The following PRPS2 variants were observed in gnomAD, a reference collection of about 807,000 sequenced individuals.
PRPS2 encodes the protein ribose-phosphate pyrophosphokinase 2.
For synonymous variants in PRPS2, 111 were observed against 115.3 expected (o/e 0.96, Z 0.24); for missense variants, 104 against 271.5 (o/e 0.38, Z 4.34).
In PRPS2 at chrX:12,809,087, TA is replaced by T; in HGVS notation, c.307-146del. ...TTTGCTGAATAAGATGGAATGAATA[TA>T]TCTTTTGCTGTCACAACATGTATAA... is the stretch of plus-strand genomic sequence containing the variant. On this transcript the variant is annotated intron_variant, in intron 2 of 6. Coordinates refer to ENST00000380668, the MANE Select transcript of PRPS2 (RefSeq NM_002765.5). 3 of 487,548 alleles carry T rather than the reference TA, an allele frequency of 6.2e-6. No homozygotes were observed. In the South Asian group the frequency reaches 1.1e-4, roughly 18 times the overall value. The allele number at this position is 487,548 out of a possible 1,213,427, so 40.2% of individuals were successfully genotyped here.
At chrX:12,809,714 T>C (rs2042613421) in intron 3 of PRPS2, among the ~76,000 whole-genome samples, 1 of 112,404 alleles carries the variant, frequency 8.9e-6, no homozygotes, top group African/African-American at 3.2e-5. Flanking sequence ...TGATTTATAA[T>C]AACTACTTAA....
chrX:12,801,221 C>CGTGTGTGTGTGTGTGTGTGT (rs72506508), intron 2 of PRPS2, among the ~76,000 whole-genome samples: 1,113 of 93,340 alleles, frequency 0.012, 18 homozygotes, highest in African/African-American at 0.031. Context: ...TGCGTGCGCA[C>CGTGTGTGTGTGTGTGTGTGT]GTGTGTGTGT....
At chrX:12,796,213 C>CTTTTTTTTT (rs751352461) in intron 1 of PRPS2, among the ~76,000 whole-genome samples, 1 of 38,684 alleles carries the variant, frequency 2.6e-5, no homozygotes, top group African/African-American at 9.2e-5. Flanking sequence ...ATAATTGGCT[C>CTTTTTTTTT]TTTTTTTTTT....
At chrX:12,801,237 T>C (rs867106339) in intron 2 of PRPS2, among the ~76,000 whole-genome samples, 2,782 of 107,724 alleles carry the variant, frequency 0.026, 79 homozygotes, top group African/African-American at 0.092. Context: ...TGTGTGTGTG[T>C]GTGTGTGTGT....
chrX:12,805,663 T>C (rs1382398714), intron 2 of PRPS2, among the ~76,000 whole-genome samples: 1 of 112,586 alleles, frequency 8.9e-6, no homozygotes, highest in Admixed American at 9.4e-5. Context: ...AAAACCATTG[T>C]TAACTCACAG....
intron 4 of PRPS2, chrX:12,810,381 GTTTA>G (rs1395227089): frequency 9.2e-6 from 3 of 326,850 alleles, no homozygotes; most frequent in Admixed American, 1.2e-4. Context: ...GTATATATTG[GTTTA>G]TTTGTTTTCA....
rs775148897 is a variant in PRPS2 at position 12,819,492 on chromosome X, T to C, written c.531-15T>C. 1.7e-6 allele frequency: 2 copies of C among 1,202,813 alleles called. No homozygotes were observed. The highest frequency in any genetic ancestry group is 1.8e-5 in the South Asian group (1 of 55,577). On this transcript the variant is annotated splice_polypyrimidine_tract_variant and intron_variant, in intron 4 of 6. Transcript: ENST00000380668. ...TAGTTGACTGTATGAACATGTTCATTTGTGCCTTTGCCAGGGTTACATCAA... is the reference window on the plus strand; with the variant it reads ...TAGTTGACTGTATGAACATGTTCATCTGTGCCTTTGCCAGGGTTACATCAA...
intron 4 of PRPS2, among the ~76,000 whole-genome samples, chrX:12,813,564 G>A (rs1277455045): frequency 8.9e-6 from 1 of 111,865 alleles, no homozygotes; most frequent in Non-Finnish European, 1.9e-5. Flanking sequence ...TTTCTACACA[G>A]CCTTGCTCAC....
chrX:12,813,155 A>G (rs907926275), intron 4 of PRPS2, among the ~76,000 whole-genome samples: 3 of 112,216 alleles, frequency 2.7e-5, no homozygotes, highest in Non-Finnish European at 5.6e-5. Context: ...ATTTAAGCGT[A>G]TATCTGCCTA....
intron 1 of PRPS2, 128 bp from the exon 2 acceptor site, chrX:12,799,079 C>A: frequency 3.5e-6 from 2 of 577,504 alleles, no homozygotes; most frequent in Non-Finnish European, 2.7e-6. Context: ...AAATTACAGC[C>A]ATGAGTGCAA....
chrX:12,794,031 G>T (rs2042531916), intron 1 of PRPS2, among the ~76,000 whole-genome samples: 1 of 112,458 alleles, frequency 8.9e-6, no homozygotes, highest in Admixed American at 9.4e-5. Flanking sequence ...GCTATACTGT[G>T]AGACAAGGTT....
chrX:12,811,346 G>A (rs1294260624), intron 4 of PRPS2, among the ~76,000 whole-genome samples: 1 of 112,171 alleles, frequency 8.9e-6, no homozygotes, highest in Non-Finnish European at 1.9e-5. Flanking sequence ...GTGGTACTAA[G>A]TAGCACCTCT....
At chrX:12,793,016 T>TA (rs1480722292) in intron 1 of PRPS2, among the ~76,000 whole-genome samples, 2 of 112,186 alleles carry the variant, frequency 1.8e-5, no homozygotes, top group Non-Finnish European at 3.8e-5. Flanking sequence ...GGACTTTGGC[T>TA]AAAGAATTCC....
intron 1 of PRPS2, among the ~76,000 whole-genome samples, chrX:12,796,661 T>C (rs981569707): frequency 9.0e-6 from 1 of 111,227 alleles, no homozygotes; most frequent in Non-Finnish European, 1.9e-5. Context: ...TGCCATAATG[T>C]GACATATGTA....
At chrX:12,811,583 C>T (rs1347852899) in intron 4 of PRPS2, among the ~76,000 whole-genome samples, 1 of 111,516 alleles carries the variant, frequency 9.0e-6, no homozygotes, top group Non-Finnish European at 1.9e-5. Context: ...TTCTACCCCC[C>T]AGTCCAGTGA....
intron 4 of PRPS2, among the ~76,000 whole-genome samples, chrX:12,818,671 C>A (rs1030091035): frequency 1.8e-5 from 2 of 111,888 alleles, no homozygotes; most frequent in Non-Finnish European, 3.8e-5. Flanking sequence ...AGCTAAATTG[C>A]ATAATGACTG....
Position 12,799,323 on chromosome X carries a change from C to T in PRPS2, c.239C>T (p.Ala80Val). 1.7e-6 allele frequency: 2 copies of T among 1,211,348 alleles called. No individual in the cohort carries two copies. Among genetic ancestry groups the T allele is most frequent in the East Asian group, 3.0e-5 (1 of 33,832 alleles). The change falls in exon 2 of 7, where the codon GCG (alanine) becomes GTG (valine). Residue 80 changes from alanine to valine, a missense_variant. Coordinates refer to ENST00000380668, the MANE Select transcript of PRPS2 (RefSeq NM_002765.5). ...ATCATGATCAATGCCTGCAAGATTG[C>T]GTCATCATCCAGAGTAACTGCCGTG... is the stretch of plus-strand genomic sequence containing the variant. The part of the protein sequence containing the change: ...LLIMINACKI[A>V]SSSRVTAVIP...
At chrX:12,795,120 C>A (rs772192215) in intron 1 of PRPS2, among the ~76,000 whole-genome samples, 156 of 111,216 alleles carry the variant, frequency 1.4e-3, no homozygotes, top group Non-Finnish European at 2.6e-3. Context: ...TTGCTCTGAC[C>A]CTGCTTCTGC....
chrX:12,791,438 CGCTGTT>C lies in PRPS2; in HGVS notation c.-57_-52del, dbSNP rs1385756156. 4 of 1,160,854 alleles carry C rather than the reference CGCTGTT, an allele frequency of 3.4e-6. No homozygotes were observed. Among genetic ancestry groups the C allele is most frequent in the Non-Finnish European group, 3.5e-6 (3 of 867,592 alleles). On this transcript the variant is annotated 5_prime_UTR_variant, in exon 1 of 7. Coordinates refer to ENST00000380668, the MANE Select transcript of PRPS2 (RefSeq NM_002765.5). Reference sequence around the variant, plus strand: ...CAGCAGCAGCCTCCCGCGTCGCTGTCGCTGTTGCCTCCGCCACCTCCTCCGCCGCCG... The same window carrying C: ...CAGCAGCAGCCTCCCGCGTCGCTGTCGCCTCCGCCACCTCCTCCGCCGCCG...
Sources: allele counts gnomAD v4.1 joint callset (sites outside exome capture counted in the v4.1 genomes callset), GRCh38; gene constraint gnomAD v4.1.1; transcripts MANE v1.5; gene names NCBI Gene and HGNC (gene_info 2026-07-23, HGNC 2026-07-21).